The following PIP5K1A variants were observed in gnomAD, a reference collection of about 807,000 sequenced individuals.
PIP5K1A encodes the protein phosphatidylinositol-4-phosphate 5-kinase type 1 alpha, also known as phosphatidylinositol 4-phosphate 5-kinase type-1 alpha.
A neutral mutation model predicts 72.9 loss-of-function variants in PIP5K1A; 46 were observed. The observed-to-expected ratio is 0.63, with a 90% CI of 0.50 to 0.81. The LOEUF is 0.81. Ranked by LOEUF, PIP5K1A falls within the 30% of genes least tolerant of loss-of-function variation. PIP5K1A has a pLI of 0.00. For synonymous variants in PIP5K1A, 228 were observed against 255.1 expected, an observed-to-expected ratio of 0.89 and a Z score of 1.01; for missense variants, 458 against 706.1, an observed-to-expected ratio of 0.65 and a Z score of 3.98.
intron 4 of PIP5K1A, among the ~76,000 whole-genome samples, chr1:151,229,117 G>A (rs149599853): frequency 0.025 from 3,511 of 138,710 alleles, 132 homozygotes; most frequent in African/African-American, 0.088. Flanking sequence ...GCAGTGAGCC[G>A]AGGTCGCGCC....
chr1:151,227,038 A>G (rs11204787), intron 3 of PIP5K1A, among the ~76,000 whole-genome samples: 25,573 of 152,184 alleles, frequency 0.17, 2,911 homozygotes, highest in East Asian at 0.49. Flanking sequence ...AAAAAAATAA[A>G]GAGTAAAAAT....
chr1:151,215,123 C>T (rs1248171158), intron 1 of PIP5K1A, among the ~76,000 whole-genome samples: 3 of 150,476 alleles, frequency 2.0e-5, no homozygotes, highest in South Asian at 2.1e-4. Flanking sequence ...CTCCGCCTCC[C>T]GGGTTCAAGC....
Position 151,224,192 on chromosome 1 carries a change from CAG to C in PIP5K1A, c.86-49_86-48del. The C allele has an allele frequency of 4.7e-6, 7 of 1,500,020 alleles. No individual in the cohort carries two copies. The South Asian group carries it at 5.6e-5, about 12-fold the overall frequency. 92.9% of individuals were successfully genotyped at this position (1,500,020 alleles called of 1,614,324 possible). A position where few individuals can be genotyped will look rare whatever the true frequency, so the allele number is the denominator to read the frequency against. On this transcript the variant is annotated intron_variant, in intron 1 of 15. Transcript: ENST00000368888. ...ACTCTGATGGTTTCAGTATGCTTGACAGAGATGTGAGTGTGTGATACACTCTT... is the reference window on the plus strand; with the variant it reads ...ACTCTGATGGTTTCAGTATGCTTGACAGATGTGAGTGTGTGATACACTCTT...
intron 1 of PIP5K1A, among the ~76,000 whole-genome samples, chr1:151,211,663 G>A (rs1420644007): frequency 1.3e-5 from 2 of 150,284 alleles, no homozygotes; most frequent in African/African-American, 2.5e-5. Context: ...GGGCGTTGTG[G>A]CGGGCGCGTG....
chr1:151,233,516 C>G (rs1294803608), intron 7 of PIP5K1A: 1 of 152,230 alleles, frequency 6.6e-6, no homozygotes, highest in Admixed American at 6.5e-5. Flanking sequence ...GTTGGTCAGG[C>G]TGGTCTTGAA....
intron 1 of PIP5K1A, among the ~76,000 whole-genome samples, chr1:151,213,224 G>A (rs917639056): frequency 6.6e-6 from 1 of 151,960 alleles, no homozygotes; most frequent in African/African-American, 2.4e-5. Flanking sequence ...GTATTTTTTT[G>A]GGGTACTGCT....
chr1:151,224,714 G>T (rs1369634184), intron 3 of PIP5K1A, among the ~76,000 whole-genome samples: 1 of 152,146 alleles, frequency 6.6e-6, no homozygotes, highest in East Asian at 1.9e-4. Context: ...TTGTTTTGCT[G>T]TTATGGCCTC....
intron 1 of PIP5K1A, among the ~76,000 whole-genome samples, chr1:151,221,704 A>ACAC (rs2102382402): frequency 6.6e-6 from 1 of 152,350 alleles, no homozygotes; most frequent in Non-Finnish European, 1.5e-5. Context: ...TTTCACAAAG[A>ACAC]CACTAGAAAA....
At chr1:151,196,909 G>A (rs1477914864), upstream of PIP5K1A, among the ~76,000 whole-genome samples, 11 of 147,660 alleles carry the variant, frequency 7.4e-5, no homozygotes, top group Admixed American at 1.4e-4. Context: ...TGCCCAGGCT[G>A]GAGTGCAATG....
chr1:151,212,881 C>CTTTTTT (rs59115186), intron 1 of PIP5K1A, among the ~76,000 whole-genome samples: 2 of 112,998 alleles, frequency 1.8e-5, no homozygotes. Context: ...CTGACTTTGC[C>CTTTTTT]TTTTTTTTTT....
At chr1:151,241,134 G>T (rs771584417) in intron 12 of PIP5K1A, among the ~76,000 whole-genome samples, 1 of 152,076 alleles carries the variant, frequency 6.6e-6, no homozygotes, top group Non-Finnish European at 1.5e-5. Flanking sequence ...TTGCACTCCA[G>T]CCTGGGTGAC....
At chr1:151,242,978 C>A (rs780897600) in intron 14 of PIP5K1A, among the ~76,000 whole-genome samples, 6 of 152,186 alleles carry the variant, frequency 3.9e-5, no homozygotes, top group African/African-American at 1.2e-4. Flanking sequence ...GAACATGGCA[C>A]CTGGGCTATC....
chr1:151,211,875 G>A (rs1247026643), intron 1 of PIP5K1A, among the ~76,000 whole-genome samples: 1 of 151,296 alleles, frequency 6.6e-6, no homozygotes, highest in Non-Finnish European at 1.5e-5. Flanking sequence ...AGAACGAGGC[G>A]GGCGGATCAC....
chr1:151,213,045 C>T (rs1286679966), intron 1 of PIP5K1A, among the ~76,000 whole-genome samples: 1 of 151,942 alleles, frequency 6.6e-6, no homozygotes, highest in Non-Finnish European at 1.5e-5. Context: ...CGCCCGCCAC[C>T]ACGCCCGGCT....
At chr1:151,217,028 T>C (rs1288213436) in intron 1 of PIP5K1A, among the ~76,000 whole-genome samples, 1 of 150,552 alleles carries the variant, frequency 6.6e-6, no homozygotes, top group East Asian at 2.0e-4. Context: ...TTCTCGTGCC[T>C]TAGCCTCCAG....
chr1:151,229,168 A>G (rs1382015423), intron 4 of PIP5K1A, among the ~76,000 whole-genome samples: 1 of 17,442 alleles, frequency 5.7e-5, no homozygotes, highest in South Asian at 1.3e-3. Context: ...ACCCCGTCTC[A>G]AAAAAAAAAA....
intron 12 of PIP5K1A, 193 bp downstream of exon 12, chr1:151,240,232 C>A: frequency 1.8e-6 from 1 of 565,948 alleles, no homozygotes. Context: ...CTGTTTCCCC[C>A]TTGGCTCTTC....
chr1:151,248,023 G>A lies in PIP5K1A; in HGVS notation c.*158G>A, dbSNP rs1476853315. On this transcript the variant is annotated 3_prime_UTR_variant, in exon 16 of 16. Coordinates refer to ENST00000368888, the MANE Select transcript of PIP5K1A (RefSeq NM_001135638.2). The stretch of plus-strand genomic sequence containing the variant: ...GCTGCTCCTCCATCTTCTTCCTGAA[G>A]AAGAACCTTCTCTCCTTCCTCTTCC... 1 of 689,256 alleles carries A rather than the reference G, an allele frequency of 1.5e-6. No homozygotes were observed. The highest frequency in any genetic ancestry group is 1.8e-5 in the African/African-American group (1 of 55,600). 42.7% of individuals were successfully genotyped at this position (689,256 alleles called of 1,614,324 possible).
chr1:151,228,716 G>A (rs948075704), intron 4 of PIP5K1A, among the ~76,000 whole-genome samples: 2 of 152,086 alleles, frequency 1.3e-5, no homozygotes, highest in African/African-American at 4.8e-5. Context: ...AATATGGGAT[G>A]TGAAGATTTC....
Sources: allele counts gnomAD v4.1 joint callset (sites outside exome capture counted in the v4.1 genomes callset), GRCh38; gene constraint gnomAD v4.1.1; transcripts MANE v1.5; gene names NCBI Gene and HGNC (gene_info 2026-07-23, HGNC 2026-07-21).